The following IL1RAPL1 variants were observed in gnomAD, a reference collection of about 807,000 sequenced individuals.
The protein encoded by IL1RAPL1 is interleukin-1 receptor accessory protein-like 1.
A neutral mutation model predicts 48.4 loss-of-function variants in IL1RAPL1; 3 were observed. That is an observed-to-expected ratio of 0.06 (90% CI 0.03 to 0.16). The LOEUF (loss-of-function observed/expected upper bound fraction) is 0.16. IL1RAPL1 is among the 10% of genes least tolerant of loss of function. The pLI is 1.00. For synonymous variants in IL1RAPL1, 185 were observed against 187.7 expected (o/e 0.99, Z 0.12); for missense variants, 349 against 530.6 (o/e 0.66, Z 3.36).
At chrX:29,555,151 C>G (rs1480535346) in intron 5 of IL1RAPL1, among the ~76,000 whole-genome samples, 1 of 112,174 alleles carries the variant, frequency 8.9e-6, no homozygotes, top group Non-Finnish European at 1.9e-5. Flanking sequence ...TAAATATAAT[C>G]CAAAATAAGT....
At chrX:29,938,376 G>T (rs1235267363) in intron 8 of IL1RAPL1, among the ~76,000 whole-genome samples, 1 of 110,618 alleles carries the variant, frequency 9.0e-6, no homozygotes, top group African/African-American at 3.3e-5. Context: ...CTATCTATGG[G>T]CACTTAAGGC....
intron 5 of IL1RAPL1, among the ~76,000 whole-genome samples, chrX:29,557,956 T>A (rs990129902): frequency 9.0e-6 from 1 of 111,652 alleles, no homozygotes; most frequent in African/African-American, 3.3e-5. Context: ...ACTTCTATTG[T>A]TTATGTATAT....
chrX:29,418,117 A>ATT (rs1472989661), intron 5 of IL1RAPL1, among the ~76,000 whole-genome samples: 31 of 30,688 alleles, frequency 1.0e-3, no homozygotes, highest in African/African-American at 3.4e-3. Context: ...ATATATATAT[A>ATT]TATATATATT....
intron 2 of IL1RAPL1, among the ~76,000 whole-genome samples, chrX:29,018,203 A>G (rs1486695783): frequency 1.8e-5 from 2 of 111,970 alleles, no homozygotes; most frequent in East Asian, 2.8e-4. Context: ...CAATTGATCT[A>G]TGTCTTTTGT....
At chrX:29,775,248 A>G (rs1223937541) in intron 6 of IL1RAPL1, among the ~76,000 whole-genome samples, 1 of 111,463 alleles carries the variant, frequency 9.0e-6, no homozygotes, top group African/African-American at 3.3e-5. Flanking sequence ...GGGAGCTTAC[A>G]AGTGAGTTGA....
At chrX:29,763,712 G>A (rs1212210089) in intron 6 of IL1RAPL1, among the ~76,000 whole-genome samples, 1 of 111,129 alleles carries the variant, frequency 9.0e-6, no homozygotes, top group Non-Finnish European at 1.9e-5. Flanking sequence ...GAACTACTTT[G>A]TGCTACATTT....
At chrX:28,905,430 A>G (rs1453669943) in intron 2 of IL1RAPL1, among the ~76,000 whole-genome samples, 1 of 111,662 alleles carries the variant, frequency 9.0e-6, no homozygotes, top group Admixed American at 9.6e-5. Context: ...TACCAGAAAG[A>G]GAACAAAATG....
At chrX:29,858,075 T>C (rs1931508349) in intron 6 of IL1RAPL1, among the ~76,000 whole-genome samples, 1 of 111,831 alleles carries the variant, frequency 8.9e-6, no homozygotes, top group Non-Finnish European at 1.9e-5. Context: ...ATAATCCTTA[T>C]GCCAAAGTGG....
At position 28,897,005 on chromosome X, in the gene IL1RAPL1, C is replaced by T. The variant is rs772787897; in HGVS notation, c.82+107580C>T. 5.8e-4 allele frequency among the ~76,000 whole-genome samples: 64 copies of T among 110,565 alleles called. 1 individual carries two copies. Among genetic ancestry groups the T allele is most frequent in the Non-Finnish European group, 7.9e-4 (42 of 52,871 alleles). On this transcript the variant is annotated intron_variant, in intron 2 of 10. Coordinates refer to ENST00000378993, the MANE Select transcript of IL1RAPL1 (RefSeq NM_014271.4). ...AGCGGCATTGTAGAAGAAAATAAGG[C>T]GTTTAGGTTTTAAGTCAGGTGTGAG...
chrX:29,546,618 C>T (rs188971402), intron 5 of IL1RAPL1, among the ~76,000 whole-genome samples: 1 of 111,679 alleles, frequency 9.0e-6, no homozygotes, highest in East Asian at 2.8e-4. Flanking sequence ...TTTTCCCAGT[C>T]TCTAAAAACT....
chrX:29,837,394 A>G (rs754307987), intron 6 of IL1RAPL1, among the ~76,000 whole-genome samples: 1 of 106,999 alleles, frequency 9.3e-6, no homozygotes, highest in East Asian at 2.9e-4. Flanking sequence ...TGTATCAGGA[A>G]TTATGACAGG....
intron 1 of IL1RAPL1, among the ~76,000 whole-genome samples, chrX:28,685,705 T>A (rs1935102158): frequency 8.9e-6 from 1 of 111,867 alleles, no homozygotes; most frequent in Admixed American, 9.5e-5. Flanking sequence ...GCATCTTTTA[T>A]TCATTGGTTT....
intron 1 of IL1RAPL1, among the ~76,000 whole-genome samples, chrX:28,662,808 T>G (rs1434111268): frequency 9.0e-6 from 1 of 111,516 alleles, no homozygotes; most frequent in Non-Finnish European, 1.9e-5. Flanking sequence ...GATCACCTAT[T>G]ATACTCTTTT....
At position 28,965,960 on chromosome X, in the gene IL1RAPL1, TCAC is replaced by T. The variant is rs763409814; in HGVS notation, c.82+176536_82+176538del. Among the ~76,000 whole-genome samples the T allele has an allele frequency of 7.7e-3, 429 of 55,958 alleles. 5 individuals are homozygous for T. Among genetic ancestry groups the T allele is most frequent in the Non-Finnish European group, 0.011 (279 of 25,855 alleles). The allele number at this position is 55,958 out of a possible 115,157, so 48.6% of individuals were successfully genotyped here. ...ATATTAGGCATGTACTAAAAAATAC[TCAC>T]GAAGCCCTTTTAATTCTTTGAAATG... On this transcript the variant is annotated intron_variant, in intron 2 of 10. Coordinates refer to ENST00000378993, the MANE Select transcript of IL1RAPL1 (RefSeq NM_014271.4).
At chrX:28,682,373 A>G (rs1935070938) in intron 1 of IL1RAPL1, among the ~76,000 whole-genome samples, 1 of 110,233 alleles carries the variant, frequency 9.1e-6, no homozygotes, top group African/African-American at 3.3e-5. Flanking sequence ...CAGTGGCATG[A>G]CCTCGGCTCA....
At chrX:29,134,391 A>G (rs1194808046) in intron 2 of IL1RAPL1, among the ~76,000 whole-genome samples, 2 of 112,160 alleles carry the variant, frequency 1.8e-5, no homozygotes, top group Admixed American at 1.9e-4. Flanking sequence ...ATTTTACCCA[A>G]TCTAATGTGT....
intron 2 of IL1RAPL1, among the ~76,000 whole-genome samples, chrX:29,280,561 G>T (rs946564072): frequency 1.8e-5 from 2 of 111,957 alleles, no homozygotes; most frequent in Non-Finnish European, 3.8e-5. Flanking sequence ...GTATAATTTG[G>T]TAATTCAGTT....
At chrX:29,496,879 G>T (rs1474308868) in intron 5 of IL1RAPL1, among the ~76,000 whole-genome samples, 1 of 111,773 alleles carries the variant, frequency 8.9e-6, no homozygotes, top group African/African-American at 3.2e-5. Flanking sequence ...AAACAGACTG[G>T]ACATAAACAA....
intron 6 of IL1RAPL1, among the ~76,000 whole-genome samples, chrX:29,802,735 C>A (rs181974871): frequency 1.2e-5 from 1 of 80,083 alleles, no homozygotes; most frequent in East Asian, 3.8e-4. Context: ...TATGAGGTCT[C>A]TGAGGAAAAA....
Sources: gnomAD v4.1 joint callset for allele counts (sites outside exome capture counted in the v4.1 genomes callset) on GRCh38, gnomAD v4.1.1 for gene constraint, MANE v1.5 for transcripts, NCBI Gene and HGNC (gene_info 2026-07-23, HGNC 2026-07-21) for gene names.